Variants in MIB1 observed in about 807,000 individuals in gnomAD.
MIB1 encodes the protein E3 ubiquitin-protein ligase MIB1.
A neutral mutation model predicts 124.5 loss-of-function variants in MIB1; 278 were observed. The observed-to-expected ratio is 2.23, with a 90% CI of 2.02 to 2.47. The LOEUF is 2.47. Ranked by LOEUF, MIB1 falls within the 30% of genes most tolerant of loss-of-function variation. The pLI, the probability that MIB1 is intolerant of heterozygous loss-of-function variation, is 0.00. For missense variants in MIB1, 957 were observed against 1,254.4 expected (o/e 0.76, Z 3.58); for synonymous variants, 446 against 429.4 (o/e 1.04, Z -0.48).
chr18:21,808,363 T>C (rs190682717), intron 10 of MIB1, among the ~76,000 whole-genome samples: 71 of 152,326 alleles, frequency 4.7e-4, no homozygotes, highest in Non-Finnish European at 3.7e-4. Context: ...CATTCATTTA[T>C]TTACTGTCTG....
chr18:21,836,905 A>G (rs532593429), intron 12 of MIB1, among the ~76,000 whole-genome samples: 16 of 152,328 alleles, frequency 1.1e-4, no homozygotes, highest in African/African-American at 3.4e-4. Flanking sequence ...CTCAAAGTCT[A>G]TACAATATCT....
intron 1 of MIB1, among the ~76,000 whole-genome samples, chr18:21,716,609 T>C (rs2040690741): frequency 6.6e-6 from 1 of 152,198 alleles, no homozygotes; most frequent in African/African-American, 2.4e-5. Context: ...CTCAGCACTT[T>C]GGGAGGCTGA....
At chr18:21,841,656 A>G (rs912567625) in intron 13 of MIB1, among the ~76,000 whole-genome samples, 2 of 152,158 alleles carry the variant, frequency 1.3e-5, no homozygotes, top group Non-Finnish European at 2.9e-5. Flanking sequence ...TTGAAAAACA[A>G]ATTGGTGGTT....
chr18:21,806,596 A>C (rs1469764300), intron 10 of MIB1, among the ~76,000 whole-genome samples: 5 of 151,776 alleles, frequency 3.3e-5, no homozygotes, highest in Admixed American at 2.0e-4. Flanking sequence ...TTGGTAGTCT[A>C]GATATTTATA....
In MIB1 at chr18:21,709,297, G is replaced by A. The variant is rs577067210; in HGVS notation, n.167+4174G>A. ...AACGCCACTGCACTACGGCCTGGGC[G>A]AAAGAGCGAGACTGTCTCAAAAAAA... On this transcript the variant is annotated intron_variant and non_coding_transcript_variant, in intron 1 of 20. Transcript: ENST00000578646. 4.1e-5 allele frequency among the ~76,000 whole-genome samples: 5 copies of A among 123,394 alleles called. No homozygotes were observed. The East Asian group carries it at 9.3e-4, about 23-fold the overall frequency. 81.0% of individuals were successfully genotyped at this position (123,394 alleles called of 152,430 possible).
At chr18:21,808,639 G>A (rs917070961) in intron 10 of MIB1, among the ~76,000 whole-genome samples, 1 of 152,110 alleles carries the variant, frequency 6.6e-6, no homozygotes, top group Non-Finnish European at 1.5e-5. Context: ...CTTTTGGAAA[G>A]TTGATTGTCT....
chr18:21,841,872 A>G (rs1349609865), intron 13 of MIB1, among the ~76,000 whole-genome samples: 2 of 152,144 alleles, frequency 1.3e-5, no homozygotes, highest in Admixed American at 6.5e-5. Flanking sequence ...GCACCTATGC[A>G]ATGAATACTA....
At chr18:21,821,574 G>A (rs747012739) in intron 12 of MIB1, among the ~76,000 whole-genome samples, 2 of 148,372 alleles carry the variant, frequency 1.3e-5, no homozygotes, top group African/African-American at 2.5e-5. Flanking sequence ...ATACTTCCTT[G>A]TTCTGTGTGT....
At chr18:21,787,356 G>C (rs938706213) in intron 6 of MIB1, among the ~76,000 whole-genome samples, 1 of 152,112 alleles carries the variant, frequency 6.6e-6, no homozygotes, top group Non-Finnish European at 1.5e-5. Context: ...ACTCTGATTT[G>C]ATGTCTCTCT....
chr18:21,792,826 A>C (rs1201666934), intron 7 of MIB1, among the ~76,000 whole-genome samples: 1 of 152,212 alleles, frequency 6.6e-6, no homozygotes, highest in African/African-American at 2.4e-5. Flanking sequence ...CTGCCATTTC[A>C]AACTGCTATA....
At chr18:21,745,637 G>A (rs2040902751) in intron 1 of MIB1, among the ~76,000 whole-genome samples, 1 of 151,596 alleles carries the variant, frequency 6.6e-6, no homozygotes. Context: ...GTAATGTTCT[G>A]TGATTAAACC....
At position 21,791,503 on chromosome 18, in the gene MIB1, A is replaced by G. The variant is rs746696648; in HGVS notation, c.1038A>G (p.Glu346=). 4.3e-6 allele frequency: 7 copies of G among 1,613,982 alleles called. No homozygotes were observed. The Admixed American group carries it at 1.0e-4, about 23-fold the overall frequency. ...TTGTACAAGTTTGTTATGACCTGGA[A>G]CGAATTAAACTTCTACAAAGAGGAC... The part of the protein sequence containing the change: ...GDLVQVCYDL[E]RIKLLQRGHG... Residue 346 remains glutamate, a synonymous_variant, in exon 7 of 21, where the codon GAA becomes GAG. Transcript: ENST00000261537.
At chr18:21,809,118 AT>A (rs1239733775) in intron 10 of MIB1, among the ~76,000 whole-genome samples, 3 of 152,142 alleles carry the variant, frequency 2.0e-5, no homozygotes, top group African/African-American at 7.2e-5. Flanking sequence ...AAAAAGGATT[AT>A]AAGAGAGTAC....
chr18:21,774,627 G>C (rs909579159), intron 4 of MIB1, among the ~76,000 whole-genome samples: 2 of 152,066 alleles, frequency 1.3e-5, no homozygotes, highest in Non-Finnish European at 2.9e-5. Flanking sequence ...TTAATGTATA[G>C]AGTATAATAA....
chr18:21,854,007 AG>A (rs1430500059), intron 18 of MIB1, among the ~76,000 whole-genome samples: 1 of 70,532 alleles, frequency 1.4e-5, no homozygotes, highest in Non-Finnish European at 2.8e-5. Context: ...ACTGAGACTC[AG>A]TCTTAAAAAA....
intron 1 of MIB1, among the ~76,000 whole-genome samples, chr18:21,742,853 T>G (rs1247439584): frequency 2.6e-5 from 4 of 152,226 alleles, no homozygotes; most frequent in Admixed American, 1.3e-4. Context: ...TTATTATCAG[T>G]AGCAATAAAG....
Position 21,779,581 on chromosome 18 carries a change from TG to T in MIB1, c.806del (p.Gly269GlufsTer11). 1 of 1,614,026 alleles carries T rather than the reference TG, an allele frequency of 6.2e-7. No individual in the cohort carries two copies. Among genetic ancestry groups the T allele is most frequent in the Non-Finnish European group, 8.5e-7 (1 of 1,179,932 alleles). On this transcript the variant is annotated frameshift_variant, in exon 6 of 21. Coordinates refer to ENST00000261537, the MANE Select transcript of MIB1 (RefSeq NM_020774.4). LOFTEE classifies it high-confidence loss of function. ...EIVQSLQHGH[G>X]GWTDGMFETL... ...TTGTACAGTCTTTGCAGCATGGTCA[TG>T]GAGGATGGACTGATGGAATGTTTGA...
At chr18:21,856,274 A>AAC (rs2042227614) in intron 18 of MIB1, among the ~76,000 whole-genome samples, 2 of 151,996 alleles carry the variant, frequency 1.3e-5, no homozygotes, top group African/African-American at 4.8e-5. Context: ...AACAAAACAA[A>AAC]AAAAAAACAA....
At chr18:21,746,468 C>T (rs45592141) in intron 1 of MIB1, among the ~76,000 whole-genome samples, 1,820 of 152,180 alleles carry the variant, frequency 0.012, 23 homozygotes, top group Non-Finnish European at 0.02. Flanking sequence ...TCATTTGGCT[C>T]ATTTGTAGTG....
Sources: allele counts gnomAD v4.1 joint callset (sites outside exome capture counted in the v4.1 genomes callset), GRCh38; gene constraint gnomAD v4.1.1; transcripts MANE v1.5; gene names NCBI Gene and HGNC (gene_info 2026-07-23, HGNC 2026-07-21).